TYW1B: variants seen among roughly 807,000 people sequenced by gnomAD.
The protein encoded by TYW1B is S-adenosyl-L-methionine-dependent tRNA 4-demethylwyosine synthase TYW1B.
TYW1B carries 73 observed loss-of-function variants against 86.9 expected under a neutral mutation model. That is an observed-to-expected ratio of 0.84 (90% CI 0.70 to 1.02). TYW1B has a LOEUF of 1.02. Among genes scored for constraint, TYW1B ranks in the 50% least tolerant of loss-of-function variants. TYW1B has a pLI of 0.00. For missense variants in TYW1B, 637 were observed against 827.4 expected (o/e 0.77, Z 2.82); for synonymous variants, 248 against 292.8 (o/e 0.85, Z 1.56).
At chr7:72,616,637 G>A (rs781960911) in intron 13 of TYW1B, 35 bp downstream of exon 13, 70 of 1,613,756 alleles carry the variant, frequency 4.3e-5, no homozygotes, top group Non-Finnish European at 5.8e-5. Context: ...AGCAGGGTCA[G>A]GGAACAGAAG....
intron 3 of TYW1B, among the ~76,000 whole-genome samples, chr7:72,814,605 TTTAAAA>T (rs1184858734): frequency 2.7e-5 from 4 of 150,500 alleles, no homozygotes; most frequent in African/African-American, 4.9e-5. Context: ...AAAAAAAACT[TTTAAAA>T]TTAGCAGGGC....
At chr7:72,632,407 A>G (rs112373273) in intron 11 of TYW1B, among the ~76,000 whole-genome samples, 1 of 115,504 alleles carries the variant, frequency 8.7e-6, no homozygotes, top group African/African-American at 3.9e-5. Flanking sequence ...TATAATATAT[A>G]TATACATATA....
chr7:72,752,407 G>T (rs1035035447), intron 7 of TYW1B, among the ~76,000 whole-genome samples: 1 of 152,012 alleles, frequency 6.6e-6, no homozygotes, highest in Admixed American at 6.6e-5. Context: ...TCTTAACTAT[G>T]GTGATAGTTT....
intron 7 of TYW1B, among the ~76,000 whole-genome samples, chr7:72,756,401 ATT>A (rs782177753): frequency 7.0e-6 from 1 of 143,842 alleles, no homozygotes; most frequent in Non-Finnish European, 1.5e-5. Context: ...TGCCCAGTTA[ATT>A]TTTTTTTTTT....
At position 72,824,179 on chromosome 7, in the gene TYW1B, C is replaced by T. The variant is rs559395814; in HGVS notation, c.135+2676G>A. Among the ~76,000 whole-genome samples the T allele has an allele frequency of 1.3e-4, 20 of 152,188 alleles. No individual in the cohort carries two copies. The South Asian group carries it at 3.9e-3, about 30-fold the overall frequency. On this transcript the variant is annotated intron_variant, in intron 2 of 13. Transcript: ENST00000620995. ...TAGTGAAAACCTAAGAAGTACTATT[C>T]TGCGCAACTTCCACAAGAGGGCAGT...
intron 9 of TYW1B, among the ~76,000 whole-genome samples, chr7:72,722,559 A>G (rs1212197112): frequency 1.3e-5 from 2 of 152,226 alleles, no homozygotes; most frequent in Non-Finnish European, 2.9e-5. Context: ...TATAAAAGGA[A>G]CGCTAATAAA....
At chr7:72,629,987 A>G (rs1812443359) in intron 11 of TYW1B, among the ~76,000 whole-genome samples, 1 of 152,202 alleles carries the variant, frequency 6.6e-6, no homozygotes, top group Non-Finnish European at 1.5e-5. Flanking sequence ...CATTATTAAT[A>G]ATGGCTTAAG....
chr7:72,700,027 T>G (rs1161158146), intron 10 of TYW1B, among the ~76,000 whole-genome samples: 4 of 152,080 alleles, frequency 2.6e-5, no homozygotes, highest in African/African-American at 9.7e-5. Flanking sequence ...GTGGTGGAGA[T>G]ATTCCATAAA....
chr7:72,728,505 C>T (rs369973036), intron 9 of TYW1B, among the ~76,000 whole-genome samples: 9 of 152,226 alleles, frequency 5.9e-5, no homozygotes, highest in African/African-American at 2.2e-4. Flanking sequence ...CGGGGTTTCA[C>T]CATGTTAGCC....
chr7:72,662,398 A>G (rs553412544), intron 11 of TYW1B, among the ~76,000 whole-genome samples: 19 of 151,498 alleles, frequency 1.3e-4, no homozygotes, highest in Non-Finnish European at 2.5e-4. Flanking sequence ...GAATGATGAT[A>G]TATCCCTTCA....
intron 2 of TYW1B, among the ~76,000 whole-genome samples, chr7:72,825,142 T>C (rs1405605225): frequency 2.7e-5 from 4 of 147,752 alleles, no homozygotes; most frequent in Non-Finnish European, 6.0e-5. Context: ...TCAAAGTACA[T>C]ACCAGATAAT....
rs782147419 is a variant in TYW1B, at chr7:72,713,841, A to G, written c.1193-43T>C. 3.4e-5 allele frequency: 51 copies of G among 1,506,474 alleles called. No individual in the cohort carries two copies. The African/African-American group carries it at 5.9e-4, about 17-fold the overall frequency. 93.3% of individuals were successfully genotyped at this position (1,506,474 alleles called of 1,614,324 possible). ...AAGGACCCAGCTACATAAGGCACAG[A>G]TAGAGGATGTCACGTTTTTCTTAAT... On this transcript the variant is annotated intron_variant, in intron 9 of 13. Transcript: ENST00000620995.
intron 11 of TYW1B, among the ~76,000 whole-genome samples, chr7:72,660,253 G>A (rs1435220795): frequency 5.3e-5 from 8 of 152,072 alleles, no homozygotes; most frequent in Middle Eastern, 3.4e-3. Context: ...GCATGCCTGT[G>A]GTCCCAGCTA....
intron 13 of TYW1B, among the ~76,000 whole-genome samples, chr7:72,601,981 A>G (rs1554433858): frequency 6.6e-6 from 1 of 152,194 alleles, no homozygotes; most frequent in African/African-American, 2.4e-5. Context: ...TAAATGTATG[A>G]CATTATGCAC....
At chr7:72,634,255 T>A (rs1812613743) in intron 11 of TYW1B, among the ~76,000 whole-genome samples, 1 of 151,574 alleles carries the variant, frequency 6.6e-6, no homozygotes, top group South Asian at 2.1e-4. Flanking sequence ...CACGGCCCAC[T>A]ACAGCCTCAA....
At chr7:72,728,986 G>C in intron 8 of TYW1B, 55 bp from the exon 9 acceptor site, 1 of 1,516,278 alleles carries the variant, frequency 6.6e-7, no homozygotes, top group Non-Finnish European at 9.0e-7. Context: ...ATCTGGGCTA[G>C]TCATTTATGA....
At chr7:72,819,975 TAAAGA>T in intron 2 of TYW1B, among the ~76,000 whole-genome samples, 1 of 152,084 alleles carries the variant, frequency 6.6e-6, no homozygotes, top group Non-Finnish European at 1.5e-5. Flanking sequence ...TGAGCATTCT[TAAAGA>T]AAAGAAATTT....
At chr7:72,616,640 A>T (rs1812079420) in intron 13 of TYW1B, 32 bp downstream of exon 13, 1 of 1,613,954 alleles carries the variant, frequency 6.2e-7, no homozygotes, top group African/African-American at 1.3e-5. Flanking sequence ...AGGGTCAGGG[A>T]ACAGAAGATT....
intron 9 of TYW1B, among the ~76,000 whole-genome samples, chr7:72,715,264 A>G (rs1461175545): frequency 5.9e-5 from 9 of 152,198 alleles, no homozygotes; most frequent in African/African-American, 2.2e-4. Flanking sequence ...TCTGAATCCT[A>G]GCTGGACACT....
Sources: allele counts gnomAD v4.1 joint callset (sites outside exome capture counted in the v4.1 genomes callset), GRCh38; gene constraint gnomAD v4.1.1; transcripts MANE v1.5; gene names NCBI Gene and HGNC (gene_info 2026-07-23, HGNC 2026-07-21).